Variants in DPP4 observed in about 807,000 individuals in gnomAD.
DPP4 encodes the protein ADCP-2.
Under a neutral mutation model 122.4 loss-of-function variants are expected in DPP4, and 93 were observed. That is an observed-to-expected ratio of 0.76 (90% CI 0.64 to 0.90). The LOEUF (loss-of-function observed/expected upper bound fraction) is 0.90, where lower values mean the gene tolerates loss of function less well. Ranked by LOEUF, DPP4 falls within the 40% of genes least tolerant of loss-of-function variation. DPP4 has a pLI of 0.00. For missense variants in DPP4, 914 were observed against 907.3 expected, an observed-to-expected ratio of 1.01 and a Z score of -0.09; for synonymous variants, 321 against 302.9, an observed-to-expected ratio of 1.06 and a Z score of -0.62.
intron 25 of DPP4, among the ~76,000 whole-genome samples, chr2:161,994,286 A>G (rs1700938151): frequency 6.6e-6 from 1 of 152,238 alleles, no homozygotes; most frequent in East Asian, 1.9e-4. Context: ...CTGAGCACAG[A>G]GCAAATCATG....
intron 18 of DPP4, 147 bp downstream of exon 18, chr2:162,016,621 T>G: frequency 1.9e-6 from 1 of 530,764 alleles, no homozygotes; most frequent in Non-Finnish European, 3.2e-6. Flanking sequence ...AAATTAGTAT[T>G]TCTTGTGACA....
intron 11 of DPP4, among the ~76,000 whole-genome samples, chr2:162,024,103 A>C (rs1683231030): frequency 1.3e-5 from 2 of 152,212 alleles, no homozygotes; most frequent in African/African-American, 4.8e-5. Flanking sequence ...GTGTGTAGGC[A>C]GAGGGTCTGT....
intron 4 of DPP4, 79 bp downstream of exon 4, chr2:162,046,836 G>A: frequency 1.1e-6 from 1 of 905,302 alleles, no homozygotes; most frequent in East Asian, 2.4e-5. Context: ...GTTGAGAAAT[G>A]ACAGTACTCG....
At chr2:162,043,912 C>A (rs1157432206) in intron 5 of DPP4, among the ~76,000 whole-genome samples, 2 of 152,104 alleles carry the variant, frequency 1.3e-5, no homozygotes, top group Non-Finnish European at 1.5e-5. Flanking sequence ...CCTGTAGTCT[C>A]AGCTACTCAG....
At chr2:162,006,568 ATCTG>A (rs1455551661) in intron 22 of DPP4, among the ~76,000 whole-genome samples, 1 of 152,184 alleles carries the variant, frequency 6.6e-6, no homozygotes, top group Non-Finnish European at 1.5e-5. Context: ...TTACATTAAT[ATCTG>A]TCTGCTGAAA....
At chr2:162,001,797 A>C (rs1701156308) in intron 23 of DPP4, among the ~76,000 whole-genome samples, 1 of 152,152 alleles carries the variant, frequency 6.6e-6, no homozygotes, top group Non-Finnish European at 1.5e-5. Flanking sequence ...GTCTGCTGGG[A>C]CTGAGACATA....
At chr2:162,061,690 A>C (rs1034965138) in intron 2 of DPP4, among the ~76,000 whole-genome samples, 1 of 152,208 alleles carries the variant, frequency 6.6e-6, no homozygotes. Flanking sequence ...GTTCATTAAA[A>C]AAATTTTCTT....
chr2:162,016,773 T>G lies in DPP4; in HGVS notation c.1562A>C (p.Glu521Ala). The change falls in exon 18 of 26, where the codon GAA (glutamate) becomes GCA (alanine). Residue 521 changes from glutamate to alanine, a missense_variant. Transcript: ENST00000360534. ...SKKLDFIILN[E>A]TKFWYQMILP... is the part of the protein sequence containing the mutation. The stretch of plus-strand genomic sequence containing the variant: ...TCCAAAGGAATTTAACTTACTTGTT[T>G]CATTCAAAATAATGAAGTCCAGTTT... 6.2e-7 allele frequency: 1 copy of G among 1,610,484 alleles called. No homozygotes were observed. The highest frequency in any genetic ancestry group is 8.5e-7 in the Non-Finnish European group (1 of 1,178,356).
intron 16 of DPP4, among the ~76,000 whole-genome samples, chr2:162,018,259 C>T (rs1171792041): frequency 6.6e-6 from 1 of 152,138 alleles, no homozygotes; most frequent in Non-Finnish European, 1.5e-5. Context: ...TGTTTTGAAT[C>T]CTGTTGTGCC....
Position 162,073,260 on chromosome 2 carries a change from A to G in DPP4, c.94+139T>C, listed in dbSNP as rs80295429. On this transcript the variant is annotated intron_variant, in intron 2 of 25. Transcript: ENST00000360534. ...AGCTGCTGCTCTACAAGCAGCAACA[A>G]CAACTGGGAAGCCTTCTCAGCTACA... The G allele has an allele frequency of 2.9e-3, 2,211 of 768,460 alleles. 41 individuals are homozygous for G. In the African/African-American group the frequency reaches 0.034, roughly 12 times the overall value. 47.6% of individuals were successfully genotyped at this position (768,460 alleles called of 1,614,324 possible). A position where few individuals can be genotyped will look rare whatever the true frequency, so the allele number is the denominator to read the frequency against.
intron 2 of DPP4, among the ~76,000 whole-genome samples, chr2:162,047,772 T>C (rs1684241202): frequency 6.6e-6 from 1 of 152,178 alleles, no homozygotes; most frequent in African/African-American, 2.4e-5. Context: ...ATCAGCTATG[T>C]CCTATAGAAA....
At chr2:162,027,665 T>G (rs2106110660) in intron 10 of DPP4, among the ~76,000 whole-genome samples, 1 of 152,304 alleles carries the variant, frequency 6.6e-6, no homozygotes, top group African/African-American at 2.4e-5. Flanking sequence ...GGGGAACAAC[T>G]TTTTGACAAT....
intron 10 of DPP4, among the ~76,000 whole-genome samples, chr2:162,031,096 A>G (rs2106114755): frequency 6.6e-6 from 1 of 152,344 alleles, no homozygotes; most frequent in East Asian, 1.9e-4. Flanking sequence ...GACTCAATAC[A>G]TTTTTAACTA....
intron 20 of DPP4, among the ~76,000 whole-genome samples, chr2:162,011,254 C>T (rs1432414916): frequency 6.6e-6 from 1 of 152,084 alleles, no homozygotes; most frequent in Non-Finnish European, 1.5e-5. Flanking sequence ...GTGGTTCATA[C>T]GTAACAGAGC....
intron 2 of DPP4, among the ~76,000 whole-genome samples, chr2:162,054,595 A>C (rs1684502432): frequency 6.6e-6 from 1 of 152,158 alleles, no homozygotes; most frequent in African/African-American, 2.4e-5. Context: ...CCACTCATGA[A>C]TGGTTAGGTG....
chr2:162,066,486 C>T (rs1290002342), intron 2 of DPP4, among the ~76,000 whole-genome samples: 1 of 152,178 alleles, frequency 6.6e-6, no homozygotes, highest in African/African-American at 2.4e-5. Flanking sequence ...TCCTCTCTAT[C>T]CCACTTGATT....
intron 8 of DPP4, among the ~76,000 whole-genome samples, chr2:162,037,055 T>C (rs889609434): frequency 1.3e-5 from 2 of 152,224 alleles, no homozygotes; most frequent in Non-Finnish European, 2.9e-5. Context: ...AGTGGTTATT[T>C]GGAATGCAGG....
chr2:162,019,223 T>G lies in DPP4; in HGVS notation c.1298A>C (p.Lys433Thr), dbSNP rs775497455. Residue 433 changes from lysine (K) to threonine (T), a missense_variant and splice_region_variant, in exon 15 of 26, where the codon AAA becomes ACA. Transcript: ENST00000360534. ...KGMPGGRNLY[K>T]IQLSDYTKVT... ...GTCAACAACTTGACAGAGCTCTTACTTATAAAGATTCCTTCCTCCTGGCAT... is the reference window on the plus strand; with the variant it reads ...GTCAACAACTTGACAGAGCTCTTACGTATAAAGATTCCTTCCTCCTGGCAT... 6.3e-7 allele frequency: 1 copy of G among 1,597,034 alleles called. No individual in the cohort carries two copies.
chr2:162,021,990 T>TA, intron 12 of DPP4, among the ~76,000 whole-genome samples: 1 of 152,132 alleles, frequency 6.6e-6, no homozygotes, highest in East Asian at 1.9e-4. Context: ...ATCCAAGAGG[T>TA]ATAAAATCTT....
Sources: allele counts gnomAD v4.1 joint callset (sites outside exome capture counted in the v4.1 genomes callset), GRCh38; gene constraint gnomAD v4.1.1; transcripts MANE v1.5; gene names NCBI Gene and HGNC (gene_info 2026-07-23, HGNC 2026-07-21).